ERCC3: variants seen among roughly 807,000 people sequenced by gnomAD.
The protein encoded by ERCC3 is general transcription and DNA repair factor IIH helicase/translocase subunit XPB.
Under a neutral mutation model 94.2 loss-of-function variants are expected in ERCC3, and 66 were observed. The ratio of observed to expected loss-of-function variants is 0.70; its 90% CI spans 0.57 to 0.86. The LOEUF (loss-of-function observed/expected upper bound fraction) is 0.86, where lower values mean the gene tolerates loss of function less well. Ranked by LOEUF, ERCC3 falls within the 40% of genes least tolerant of loss-of-function variation. The probability of loss-of-function intolerance (pLI) is 0.00; values close to 1 mark genes in which losing one functional copy is unlikely to be tolerated. For missense variants in ERCC3, 829 were observed against 987.1 expected (o/e 0.84, Z 2.15); for synonymous variants, 349 against 369.1 (o/e 0.95, Z 0.63).
chr2:127,271,498 A>G lies in ERCC3; in HGVS notation c.1828-45T>C. On this transcript the variant is annotated intron_variant, in intron 11 of 14. Transcript: ENST00000285398. This position sits in a 1 kb window ranked among gnomAD's most constrained non-coding sequence, Gnocchi z 5.0. The stretch of plus-strand genomic sequence containing the variant: ...GGTTTTTATATATGAGGAAAAAAAA[A>G]AAGTCAACTGATCCAGAATTTAAAT... 7.7e-7 allele frequency: 1 copy of G among 1,294,052 alleles called. No individual in the cohort carries two copies. The highest frequency in any genetic ancestry group is 1.1e-6 in the Non-Finnish European group (1 of 889,632). 80.2% of individuals were successfully genotyped at this position (1,294,052 alleles called of 1,614,324 possible).
At chr2:127,276,808 A>C (rs1684747600) in intron 10 of ERCC3, among the ~76,000 whole-genome samples, 1 of 152,208 alleles carries the variant, frequency 6.6e-6, no homozygotes. Flanking sequence ...ATTTCCAAAA[A>C]GAGAGAAGAT....
In ERCC3 at chr2:127,284,523, T is replaced by A. The variant is rs1230340895; in HGVS notation, c.1342+2180A>T. Among the ~76,000 whole-genome samples the A allele has an allele frequency of 6.6e-6, 1 of 152,166 alleles. No homozygotes were observed. The highest frequency in any genetic ancestry group is 1.5e-5 in the Non-Finnish European group (1 of 68,026). ...GGCCAGCTGTGAACATCTCTAGGTA[T>A]CTCCAGAAACCCATCAGGGCTGAAG... is the stretch of plus-strand genomic sequence containing the variant. On this transcript the variant is annotated intron_variant, in intron 8 of 14. Transcript: ENST00000285398. This position sits in a 1 kb window ranked among gnomAD's most constrained non-coding sequence, Gnocchi z 4.1.
In ERCC3 at chr2:127,272,169, C is replaced by T. The variant is rs189307472; in HGVS notation, c.1827+696G>A. Among the ~76,000 whole-genome samples the T allele has an allele frequency of 3.1e-3, 473 of 151,952 alleles. 2 individuals carry two copies. The highest frequency in any genetic ancestry group is 5.3e-3 in the Non-Finnish European group (362 of 67,948). ...CCTCCTGAGTAGTTGGGATTACAGG[C>T]GTCTGCCACCACACCCAGCTAATTT... On this transcript the variant is annotated intron_variant, in intron 11 of 14. Coordinates refer to ENST00000285398, the MANE Select transcript of ERCC3 (RefSeq NM_000122.2).
Position 127,271,443 on chromosome 2 carries a change from G to C in ERCC3, c.1838C>G (p.Thr613Ser), listed in dbSNP as rs373484527. 7 of 1,612,798 alleles carry C rather than the reference G, an allele frequency of 4.3e-6. No homozygotes were observed. Among genetic ancestry groups the C allele is most frequent in the Non-Finnish European group, 5.9e-6 (7 of 1,178,944 alleles). Residue 613 changes from threonine (T) to serine (S), a missense_variant, in exon 12 of 15, where the codon ACT becomes AGT. Coordinates refer to ENST00000285398, the MANE Select transcript of ERCC3 (RefSeq NM_000122.2). The surrounding 1 kb of genome is among the most constrained non-coding windows in gnomAD (Gnocchi z 5.0). ...ATTTGCTTCCGGCAGATCAAACGAA[G>C]TGTCACCTACCTACAGAAACAAGTT... ...NTIFISKVGD[T>S]SFDLPEANVL... is the part of the protein sequence containing the mutation.
At chr2:127,290,311 G>A (rs551180226) in intron 3 of ERCC3, 38 bp from the exon 4 acceptor site, 7 of 1,528,190 alleles carry the variant, frequency 4.6e-6, no homozygotes, top group Non-Finnish European at 6.4e-6. Flanking sequence ...TAAATGTGCA[G>A]CTAACTCAGA....
chr2:127,270,658 T>C (rs1026539778), intron 12 of ERCC3, among the ~76,000 whole-genome samples: 4 of 152,226 alleles, frequency 2.6e-5, no homozygotes, highest in African/African-American at 9.6e-5. Context: ...AGGGCTTGTG[T>C]CCTTGTCTCA....
chr2:127,281,728 A>G (rs1317320478), intron 8 of ERCC3, among the ~76,000 whole-genome samples: 29 of 152,144 alleles, frequency 1.9e-4, no homozygotes, highest in Non-Finnish European at 1.5e-5. Flanking sequence ...TTACATCTAC[A>G]TGGTTTGCAC....
At chr2:127,293,319 C>T (rs1318918528) in intron 2 of ERCC3, among the ~76,000 whole-genome samples, 194 bp downstream of exon 2, 2 of 152,172 alleles carry the variant, frequency 1.3e-5, no homozygotes, top group East Asian at 1.9e-4. Flanking sequence ...GTTGGAAGCC[C>T]AGGTCCGGCC....
intron 10 of ERCC3, among the ~76,000 whole-genome samples, chr2:127,275,453 G>C (rs1410981052): frequency 1.3e-5 from 2 of 152,210 alleles, no homozygotes; most frequent in Non-Finnish European, 2.9e-5. Context: ...GTACACAGGA[G>C]ACAGCCACAA....
rs1685329116 is a variant in ERCC3 at position 127,292,984 on chromosome 2, T to G, written c.235-138A>C. On this transcript the variant is annotated intron_variant, in intron 2 of 14. Coordinates refer to ENST00000285398, the MANE Select transcript of ERCC3 (RefSeq NM_000122.2). Reference sequence around the variant, plus strand: ...TCTTGCAAGCACTCCTTCAGACAACTGTGGGGCCTGTTACATTAATCAGAT... The same window carrying G: ...TCTTGCAAGCACTCCTTCAGACAACGGTGGGGCCTGTTACATTAATCAGAT... 4.4e-6 allele frequency: 3 copies of G among 689,018 alleles called. No individual in the cohort carries two copies. In the Admixed American group the frequency reaches 6.6e-5, roughly 15 times the overall value. 42.7% of individuals were successfully genotyped at this position (689,018 alleles called of 1,614,324 possible). A position where few individuals can be genotyped will look rare whatever the true frequency, so the allele number is the denominator to read the frequency against.
chr2:127,261,584 A>G, intron 12 of ERCC3: 1 of 512,730 alleles, frequency 2.0e-6, no homozygotes, highest in Non-Finnish European at 3.5e-6. Context: ...CATATATCTG[A>G]TAAGGGATTT....
intron 8 of ERCC3, among the ~76,000 whole-genome samples, chr2:127,283,358 G>T (rs1366302404): frequency 6.6e-6 from 1 of 152,092 alleles, no homozygotes; most frequent in Non-Finnish European, 1.5e-5. Context: ...AGCTTTTGAG[G>T]CTGACTTCTT....
In ERCC3 at chr2:127,287,031, G is replaced by C. The variant is rs1685096537; in HGVS notation, c.1028-14C>G. ...ACTTTCCAGCACCTACAAGAAACAA[G>C]AGTGCAATCCCACCCAAGGACAGGT... On this transcript the variant is annotated splice_polypyrimidine_tract_variant and intron_variant, in intron 7 of 14. Coordinates refer to ENST00000285398, the MANE Select transcript of ERCC3 (RefSeq NM_000122.2). The C allele has an allele frequency of 6.2e-7, 1 of 1,603,812 alleles. No homozygotes were observed. The highest frequency in any genetic ancestry group is 1.3e-5 in the African/African-American group (1 of 74,922).
chr2:127,272,007 CTTTTTTTT>C (rs59921131), intron 11 of ERCC3, among the ~76,000 whole-genome samples: 84 of 63,042 alleles, frequency 1.3e-3, no homozygotes, highest in Non-Finnish European at 1.5e-3. Context: ...AATCTCATTT[CTTTTTTTT>C]TTTTTTTTTT....
intron 8 of ERCC3, among the ~76,000 whole-genome samples, chr2:127,283,276 C>T (rs562238679): frequency 6.6e-6 from 1 of 152,124 alleles, no homozygotes; most frequent in Admixed American, 6.5e-5. Flanking sequence ...TCTGACCCCC[C>T]ACTTCTGGCA....
chr2:127,281,750 T>A (rs1280396224), intron 8 of ERCC3, among the ~76,000 whole-genome samples: 1 of 151,884 alleles, frequency 6.6e-6, no homozygotes, highest in Non-Finnish European at 1.5e-5. Context: ...CAACACCACA[T>A]GCAAACACAC....
chr2:127,282,184 T>A (rs1009008160), intron 8 of ERCC3, among the ~76,000 whole-genome samples: 4 of 152,154 alleles, frequency 2.6e-5, no homozygotes, highest in Non-Finnish European at 5.9e-5. Flanking sequence ...CTTCTGTCAA[T>A]AACTAGCACT....
intron 12 of ERCC3, among the ~76,000 whole-genome samples, chr2:127,268,582 T>C (rs751204742): frequency 6.6e-6 from 1 of 152,124 alleles, no homozygotes; most frequent in Non-Finnish European, 1.5e-5. Context: ...TTTCTTTTCT[T>C]TAAGAATGCT....
At chr2:127,293,794 C>T (rs1381872920) in intron 1 of ERCC3, 76 bp from the exon 2 acceptor site, 3 of 1,599,606 alleles carry the variant, frequency 1.9e-6, no homozygotes, top group African/African-American at 2.7e-5. Context: ...CAGCATTTCA[C>T]CTGCGCCGCC....
Sources: allele counts gnomAD v4.1 joint callset (sites outside exome capture counted in the v4.1 genomes callset), GRCh38; gene constraint gnomAD v4.1.1; non-coding constraint Gnocchi (gnomAD v3.1); transcripts MANE v1.5; gene names NCBI Gene and HGNC (gene_info 2026-07-23, HGNC 2026-07-21).